Variants in BBS9 observed in about 807,000 individuals in gnomAD.
BBS9 encodes protein PTHB1.
A neutral mutation model predicts 117.7 loss-of-function variants in BBS9; 89 were observed. The observed-to-expected ratio is 0.76, with a 90% CI of 0.64 to 0.90. The LOEUF is 0.90. BBS9 is among the 40% of genes least tolerant of loss of function. The probability of loss-of-function intolerance (pLI) is 0.00; values close to 1 mark genes in which losing one functional copy is unlikely to be tolerated. For missense variants in BBS9, 982 were observed against 1,042.2 expected, an observed-to-expected ratio of 0.94 and a Z score of 0.80; for synonymous variants, 379 against 370.9, an observed-to-expected ratio of 1.02 and a Z score of -0.25.
intron 19 of BBS9, among the ~76,000 whole-genome samples, chr7:33,443,495 A>G (rs1299460599): frequency 6.6e-6 from 1 of 152,198 alleles, no homozygotes; most frequent in East Asian, 1.9e-4. Context: ...AGGACAATAT[A>G]TCAATTGTAC....
intron 9 of BBS9, among the ~76,000 whole-genome samples, chr7:33,284,125 G>A (rs549837156): frequency 3.9e-5 from 6 of 152,180 alleles, no homozygotes; most frequent in African/African-American, 7.2e-5. Flanking sequence ...ATCTCATTCC[G>A]TTAGTCTAGG....
intron 5 of BBS9, among the ~76,000 whole-genome samples, chr7:33,194,151 A>G (rs1405037871): frequency 6.6e-6 from 1 of 152,152 alleles, no homozygotes; most frequent in Non-Finnish European, 1.5e-5. Flanking sequence ...GACCAGAAGG[A>G]ATGTGGTAAA....
chr7:33,318,051 A>G (rs1440950882), intron 9 of BBS9, among the ~76,000 whole-genome samples: 2 of 152,206 alleles, frequency 1.3e-5, no homozygotes, highest in African/African-American at 2.4e-5. Context: ...GACTGTCTCA[A>G]ACAAAACAAT....
chr7:33,178,544 G>C (rs1797656119), intron 5 of BBS9, among the ~76,000 whole-genome samples: 1 of 152,146 alleles, frequency 6.6e-6, no homozygotes. Context: ...GTGCTGGATT[G>C]AGGATAGGAA....
intron 21 of BBS9, among the ~76,000 whole-genome samples, chr7:33,635,006 G>T (rs1235648279): frequency 1.3e-5 from 2 of 152,196 alleles, no homozygotes. Flanking sequence ...CACACTCGCA[G>T]TGGCTCTCTT....
chr7:33,340,243 T>C, intron 10 of BBS9, among the ~76,000 whole-genome samples: 1 of 152,086 alleles, frequency 6.6e-6, no homozygotes, highest in East Asian at 1.9e-4. Context: ...GTTTATGTAA[T>C]TGTTTTGACA....
At chr7:33,611,195 AAG>A (rs1162177066) in intron 21 of BBS9, among the ~76,000 whole-genome samples, 1 of 152,004 alleles carries the variant, frequency 6.6e-6, no homozygotes, top group Non-Finnish European at 1.5e-5. Flanking sequence ...CAGTTCCAGA[AAG>A]AGAAGTTCAT....
chr7:33,177,683 C>A, intron 5 of BBS9, 92 bp downstream of exon 5: 1 of 932,582 alleles, frequency 1.1e-6, no homozygotes, highest in Non-Finnish European at 1.7e-6. Flanking sequence ...GTTTGACTCT[C>A]AGAAAGAGTT....
At chr7:33,352,801 A>G (rs1013435605) in intron 14 of BBS9, 58 bp from the exon 15 acceptor site, 1 of 1,574,220 alleles carries the variant, frequency 6.4e-7, no homozygotes, top group African/African-American at 1.3e-5. Flanking sequence ...ACTTTACCAC[A>G]GATAATTTGT....
intron 7 of BBS9, among the ~76,000 whole-genome samples, chr7:33,271,355 C>T (rs1364768543): frequency 2.6e-5 from 4 of 152,112 alleles, no homozygotes; most frequent in African/African-American, 7.2e-5. Context: ...GGATCAAATC[C>T]ACACGTATCA....
Position 33,613,890 on chromosome 7 carries a change from G to A in BBS9, c.2522-21287G>A, listed in dbSNP as rs541226071. Among the ~76,000 whole-genome samples, 124 of 152,206 alleles carry A rather than the reference G, an allele frequency of 8.1e-4. 1 individual carries two copies. Among genetic ancestry groups the A allele is most frequent in the Admixed American group, 2.9e-3 (44 of 15,268 alleles). ...ACTTCTACCATTAGTCTAGAGTAAA[G>A]TGTTTCTCAGGCTTTGAAGACTTAT... On this transcript the variant is annotated intron_variant, in intron 21 of 21. Transcript: ENST00000671952.
chr7:33,335,268 T>C (rs1267909133), intron 9 of BBS9, among the ~76,000 whole-genome samples: 2 of 152,242 alleles, frequency 1.3e-5, no homozygotes, highest in Non-Finnish European at 2.9e-5. Context: ...AAGGTCTTGC[T>C]ATGTTGCCCA....
At chr7:33,345,463 G>C (rs1281676257) in intron 12 of BBS9, among the ~76,000 whole-genome samples, 1 of 152,200 alleles carries the variant, frequency 6.6e-6, no homozygotes, top group African/African-American at 2.4e-5. Context: ...GCTTGACAGG[G>C]CACCAAGCTT....
intron 21 of BBS9, 64 bp from the exon 22 acceptor site, chr7:33,604,801 T>G: frequency 9.3e-7 from 1 of 1,069,698 alleles, no homozygotes; most frequent in Non-Finnish European, 1.4e-6. Flanking sequence ...AAGCTATGAT[T>G]GCTGTGTAGA....
chr7:33,323,718 T>C (rs1246615438), intron 9 of BBS9, among the ~76,000 whole-genome samples: 1 of 152,072 alleles, frequency 6.6e-6, no homozygotes, highest in Non-Finnish European at 1.5e-5. Flanking sequence ...CTTTTGATTG[T>C]ACAGTTTAGT....
downstream of BBS9, among the ~76,000 whole-genome samples, chr7:33,609,211 G>C (rs1048139782): frequency 3.9e-5 from 6 of 151,994 alleles, no homozygotes; most frequent in Non-Finnish European, 8.8e-5. Context: ...TGTTCCATTG[G>C]TCTTTGTGGA....
At chr7:33,543,748 G>A (rs940091590) in intron 21 of BBS9, among the ~76,000 whole-genome samples, 1 of 152,176 alleles carries the variant, frequency 6.6e-6, no homozygotes, top group Non-Finnish European at 1.5e-5. Context: ...TAGGTCTCTT[G>A]CAAGGACAGG....
At chr7:33,238,135 T>G (rs1219893928) in intron 5 of BBS9, among the ~76,000 whole-genome samples, 1 of 152,234 alleles carries the variant, frequency 6.6e-6, no homozygotes, top group African/African-American at 2.4e-5. Flanking sequence ...GCTAAAAGTC[T>G]TCTAACACAT....
intron 19 of BBS9, among the ~76,000 whole-genome samples, chr7:33,439,806 C>T (rs959664541): frequency 5.9e-5 from 9 of 152,152 alleles, no homozygotes; most frequent in Non-Finnish European, 1.2e-4. Context: ...GGATTACAGG[C>T]GTGAGCCACT....
Sources: gnomAD v4.1 joint callset for allele counts (sites outside exome capture counted in the v4.1 genomes callset) on GRCh38, gnomAD v4.1.1 for gene constraint, MANE v1.5 for transcripts, NCBI Gene and HGNC (gene_info 2026-07-23, HGNC 2026-07-21) for gene names.